PIK3AP1: variants seen among roughly 807,000 people sequenced by gnomAD.
PIK3AP1 encodes phosphoinositide-3-kinase adaptor protein 1, also known as phosphoinositide 3-kinase adapter protein 1.
In PIK3AP1, 21 loss-of-function variants were observed where a neutral mutation model predicts 88.1. The ratio of observed to expected loss-of-function variants is 0.24; its 90% CI spans 0.17 to 0.34. PIK3AP1 has a LOEUF of 0.34. PIK3AP1 is among the 10% of genes least tolerant of loss of function. PIK3AP1 has a pLI of 1.00. For synonymous variants in PIK3AP1, 398 were observed against 400.0 expected (o/e 1.00, Z 0.06); for missense variants, 828 against 1,035.7 (o/e 0.80, Z 2.75).
chr10:96,607,231 G>A (rs552469873), intron 14 of PIK3AP1, among the ~76,000 whole-genome samples: 40 of 152,240 alleles, frequency 2.6e-4, no homozygotes, highest in Admixed American at 2.0e-3. Flanking sequence ...CTATTTGGAA[G>A]GCAGTACACC....
At chr10:96,685,861 G>C (rs1416125924) in intron 2 of PIK3AP1, among the ~76,000 whole-genome samples, 2 of 152,170 alleles carry the variant, frequency 1.3e-5, no homozygotes, top group African/African-American at 4.8e-5. Context: ...GTAAGTCCCA[G>C]ATGCTGAAAC....
chr10:96,718,288 A>C (rs1844528523), intron 1 of PIK3AP1, among the ~76,000 whole-genome samples: 2 of 152,252 alleles, frequency 1.3e-5, no homozygotes, highest in Admixed American at 1.3e-4. Context: ...AAATGGATGA[A>C]TTGTATGGCA....
chr10:96,610,339 T>C lies in PIK3AP1; in HGVS notation c.2015-472A>G, dbSNP rs527539175. On this transcript the variant is annotated intron_variant, in intron 13 of 16. Transcript: ENST00000339364. ...TGAGAGCTATGGTATTTTTCATTCA[T>C]TTAACCCCCACAACACCCAAGAAAT... is the stretch of plus-strand genomic sequence containing the variant. 2.4e-4 allele frequency among the ~76,000 whole-genome samples: 37 copies of C among 152,294 alleles called. 1 individual carries two copies. The South Asian group carries it at 4.6e-3, about 19-fold the overall frequency.
At chr10:96,662,709 T>G in intron 2 of PIK3AP1, among the ~76,000 whole-genome samples, 1 of 147,162 alleles carries the variant, frequency 6.8e-6, no homozygotes, top group East Asian at 2.0e-4. Flanking sequence ...TGAAACCCCG[T>G]CTCTACTAAA....
chr10:96,649,896 C>A (rs943137439), intron 6 of PIK3AP1, among the ~76,000 whole-genome samples: 4 of 152,206 alleles, frequency 2.6e-5, no homozygotes, highest in Non-Finnish European at 5.9e-5. Flanking sequence ...TAAACTCAAC[C>A]AAGAAAATGG....
chr10:96,666,312 G>A (rs913501745), intron 2 of PIK3AP1, among the ~76,000 whole-genome samples: 2 of 151,968 alleles, frequency 1.3e-5, no homozygotes, highest in African/African-American at 2.4e-5. Context: ...CCAGCTACTC[G>A]GGAGGCTGAG....
intron 2 of PIK3AP1, among the ~76,000 whole-genome samples, chr10:96,682,217 G>A (rs1413471626): frequency 1.3e-5 from 2 of 152,114 alleles, no homozygotes; most frequent in African/African-American, 4.8e-5. Context: ...TGCTCTCCAG[G>A]TTGATTTACA....
chr10:96,680,263 T>C (rs1396598795), intron 2 of PIK3AP1, among the ~76,000 whole-genome samples: 1 of 152,174 alleles, frequency 6.6e-6, no homozygotes, highest in Non-Finnish European at 1.5e-5. Flanking sequence ...TTAAGGTAGC[T>C]TAATACTGTG....
At chr10:96,708,249 C>T (rs1386291726) in intron 2 of PIK3AP1, among the ~76,000 whole-genome samples, 1 of 152,058 alleles carries the variant, frequency 6.6e-6, no homozygotes, top group Non-Finnish European at 1.5e-5. Context: ...AAACACATAG[C>T]CCATTCATAG....
At position 96,595,632 on chromosome 10, in the gene PIK3AP1, G is replaced by T; in HGVS notation, c.2363C>A (p.Pro788His). 6.2e-7 allele frequency: 1 copy of T among 1,613,012 alleles called. No homozygotes were observed. The highest frequency in any genetic ancestry group is 1.1e-5 in the South Asian group (1 of 90,730). ...AGGATGGAAGGTCTCCCTGGTCGGAGGCCTAAAATGAAAGATAAGGCAACT... is the reference window on the plus strand; with the variant it reads ...AGGATGGAAGGTCTCCCTGGTCGGATGCCTAAAATGAAAGATAAGGCAACT... ...RVPPRAASQR[P>H]PTRETFHPPP... Residue 788 changes from proline (P) to histidine (H), a missense_variant and splice_region_variant, in exon 17 of 17, where the codon CCT (proline) becomes CAT (histidine). By Grantham distance (77) the Pro-to-His change is moderately conservative. Around this residue, in one of 3 missense-constraint regions of PIK3AP1, gnomAD observed 191 missense variants for 208.6 expected, o/e 0.92. Transcript: ENST00000339364.
chr10:96,649,787 C>T (rs970673298), intron 6 of PIK3AP1, among the ~76,000 whole-genome samples: 1 of 152,178 alleles, frequency 6.6e-6, no homozygotes, highest in African/African-American at 2.4e-5. Context: ...CCCACCAGGA[C>T]GTCAGTTCAC....
chr10:96,650,497 G>A (rs571974493), intron 6 of PIK3AP1, among the ~76,000 whole-genome samples: 2 of 152,286 alleles, frequency 1.3e-5, no homozygotes, highest in East Asian at 3.9e-4. Flanking sequence ...CTTGTTTAGA[G>A]CCTACAAAGA....
At chr10:96,616,541 A>G in intron 13 of PIK3AP1, 98 bp downstream of exon 13, 1 of 1,248,662 alleles carries the variant, frequency 8.0e-7, no homozygotes, top group Non-Finnish European at 1.2e-6. Flanking sequence ...AGTGCTGGGC[A>G]AGTGGTCTGC....
At chr10:96,713,225 C>T (rs929402235) in intron 1 of PIK3AP1, among the ~76,000 whole-genome samples, 2 of 151,658 alleles carry the variant, frequency 1.3e-5, no homozygotes, top group African/African-American at 2.4e-5. Flanking sequence ...AGGCCAGGCG[C>T]GGTGGGTCAC....
rs1301982503 is a variant in PIK3AP1, at chr10:96,602,380, C to T, written c.2260G>A (p.Val754Ile). The change falls in exon 16 of 17, where the codon GTT (valine) becomes ATT (isoleucine). Residue 754 changes from valine (V) to isoleucine (I), a missense_variant. By Grantham distance (29) the Val-to-Ile change is conservative. Around this residue, in one of 3 missense-constraint regions of PIK3AP1, gnomAD observed 191 missense variants for 208.6 expected, o/e 0.92. Coordinates refer to ENST00000339364, the MANE Select transcript of PIK3AP1 (RefSeq NM_152309.3). The part of the protein sequence containing the change: ...GDNEDNEVPE[V>I]TRSRSPGPPQ... ...GGGCCTGGACTGCGACTTCTGGTAACCTCAGGGACTTCATTATCCTACAGC... is the reference window on the plus strand; with the variant it reads ...GGGCCTGGACTGCGACTTCTGGTAATCTCAGGGACTTCATTATCCTACAGC... 1 of 1,612,568 alleles carries T rather than the reference C, an allele frequency of 6.2e-7. No individual in the cohort carries two copies. The highest frequency in any genetic ancestry group is 8.5e-7 in the Non-Finnish European group (1 of 1,178,818).
chr10:96,711,071 G>A (rs1197810581), intron 1 of PIK3AP1, among the ~76,000 whole-genome samples: 3 of 152,156 alleles, frequency 2.0e-5, no homozygotes, highest in Non-Finnish European at 2.9e-5. Flanking sequence ...AAGCACAAAT[G>A]CCAAAAAGAG....
At chr10:96,609,398 A>T (rs1849063724) in intron 14 of PIK3AP1, among the ~76,000 whole-genome samples, 1 of 152,244 alleles carries the variant, frequency 6.6e-6, no homozygotes, top group Non-Finnish European at 1.5e-5. Flanking sequence ...ATAGAGCTTC[A>T]GTGAGAATTA....
intron 11 of PIK3AP1, among the ~76,000 whole-genome samples, chr10:96,621,891 C>T (rs1473426772): frequency 6.6e-6 from 1 of 152,222 alleles, no homozygotes; most frequent in Non-Finnish European, 1.5e-5. Flanking sequence ...TAGCAGCACC[C>T]CCTTCTTGAG....
At chr10:96,648,028 C>A (rs978548595) in intron 7 of PIK3AP1, among the ~76,000 whole-genome samples, 6 of 152,134 alleles carry the variant, frequency 3.9e-5, no homozygotes, top group Admixed American at 3.9e-4. Flanking sequence ...ACTGGGCATA[C>A]CTGCCTGTCT....
Sources: gnomAD v4.1 joint callset for allele counts (sites outside exome capture counted in the v4.1 genomes callset) on GRCh38, gnomAD v4.1.1 for gene constraint, gnomAD v4.1.1 regional missense constraint, MANE v1.5 for transcripts, NCBI Gene and HGNC (gene_info 2026-07-23, HGNC 2026-07-21) for gene names.